GALNT9: variants seen among roughly 807,000 people sequenced by gnomAD.
GALNT9 encodes GalNAc transferase 9.
A neutral mutation model predicts 63.1 loss-of-function variants in GALNT9; 47 were observed. The observed-to-expected ratio is 0.75, with a 90% CI of 0.59 to 0.95. GALNT9 has a LOEUF of 0.95. Ranked by LOEUF, GALNT9 falls within the 40% of genes least tolerant of loss-of-function variation. The probability of loss-of-function intolerance (pLI) is 0.00; values close to 1 mark genes in which losing one functional copy is unlikely to be tolerated. For synonymous variants in GALNT9, 396 were observed against 365.7 expected, an observed-to-expected ratio of 1.08 and a Z score of -0.94; for missense variants, 829 against 874.8, an observed-to-expected ratio of 0.95 and a Z score of 0.66.
Position 132,198,108 on chromosome 12 carries a change from G to A in GALNT9, c.1498-149C>T, listed in dbSNP as rs113311457. On this transcript the variant is annotated intron_variant, in intron 9 of 10. Transcript: ENST00000328957. ...CCACCCCGGGGACGCTGTTGCGGGC[G>A]GGAGAGGACCGCCGGGCAGGGCCCA... 1,059 of 664,606 alleles carry A rather than the reference G, an allele frequency of 1.6e-3. 9 individuals are homozygous for A. The African/African-American group carries it at 0.017, about 11-fold the overall frequency. 41.2% of individuals were successfully genotyped at this position (664,606 alleles called of 1,614,324 possible).
At chr12:132,267,023 G>A (rs79474004) in intron 2 of GALNT9, among the ~76,000 whole-genome samples, 8,698 of 152,308 alleles carry the variant, frequency 0.057, 337 homozygotes, top group Middle Eastern at 0.13. Flanking sequence ...GGGGCAGCCC[G>A]AGGTGTGATC....
At chr12:132,230,903 G>T (rs1294408010) in intron 6 of GALNT9, among the ~76,000 whole-genome samples, 1 of 152,216 alleles carries the variant, frequency 6.6e-6, no homozygotes, top group East Asian at 1.9e-4. Flanking sequence ...GGGACGTCTT[G>T]GTGAGACTCT....
At chr12:132,240,416 C>A in intron 6 of GALNT9, 1 of 354,758 alleles carries the variant, frequency 2.8e-6, no homozygotes, top group East Asian at 7.5e-5. Context: ...CTTCCAGCCT[C>A]CACTTGTTCA....
chr12:132,203,331 A>G (rs1273124281), intron 7 of GALNT9, among the ~76,000 whole-genome samples, 174 bp downstream of exon 7: 1 of 151,848 alleles, frequency 6.6e-6, no homozygotes, highest in Non-Finnish European at 1.5e-5. Context: ...TCCCAGGCAG[A>G]CAGCTCACCC....
intron 1 of GALNT9, among the ~76,000 whole-genome samples, chr12:132,305,711 C>T (rs1053470524): frequency 1.3e-5 from 2 of 152,244 alleles, no homozygotes; most frequent in Non-Finnish European, 2.9e-5. Context: ...CTGGGCACAG[C>T]CTTGCCTGGG....
chr12:132,295,463 G>A (rs559919581), intron 1 of GALNT9, among the ~76,000 whole-genome samples: 6 of 152,152 alleles, frequency 3.9e-5, no homozygotes, highest in East Asian at 1.9e-4. Flanking sequence ...CTTCGCTGAC[G>A]TCATCAAGGT....
At position 132,286,131 on chromosome 12, in the gene GALNT9, G is replaced by T; in HGVS notation, c.419+119C>A. 8.5e-7 allele frequency: 1 copy of T among 1,178,998 alleles called. No homozygotes were observed. Among genetic ancestry groups the T allele is most frequent in the Non-Finnish European group, 1.1e-6 (1 of 884,548 alleles). 73.0% of individuals were successfully genotyped at this position (1,178,998 alleles called of 1,614,324 possible). On this transcript the variant is annotated intron_variant, in intron 2 of 10. Transcript: ENST00000328957. This position sits in a 1 kb window ranked among gnomAD's most constrained non-coding sequence, Gnocchi z 7.4. ...CGTGGGGGGCGGTCACTTCCCTGGC[G>T]GGCGTGGGGGCCGCTCACTTCCCCG...
Position 132,229,270 on chromosome 12 carries a change from C to T in GALNT9, c.1077+18640G>A, listed in dbSNP as rs925372023. 1.3e-3 allele frequency among the ~76,000 whole-genome samples: 201 copies of T among 152,336 alleles called. 1 individual carries two copies. Among genetic ancestry groups the T allele is most frequent in the African/African-American group, 4.4e-3 (185 of 41,594 alleles). On this transcript the variant is annotated intron_variant, in intron 6 of 10. Coordinates refer to ENST00000328957, the MANE Select transcript of GALNT9 (RefSeq NM_001122636.2). ...GCCTCTCCACCGCAGGTGGAGCCCA[C>T]GCCCCATCTCGCCCTGGGTCACCAG...
intron 9 of GALNT9, among the ~76,000 whole-genome samples, chr12:132,198,967 C>A (rs571163137): frequency 3.3e-5 from 5 of 152,172 alleles, no homozygotes; most frequent in Admixed American, 2.6e-4. Flanking sequence ...GTTTTCAATT[C>A]CCCGTGTTCT....
intron 2 of GALNT9, among the ~76,000 whole-genome samples, chr12:132,270,975 A>G (rs1879841193): frequency 6.6e-6 from 1 of 151,874 alleles, no homozygotes; most frequent in South Asian, 2.1e-4. Flanking sequence ...GGGAAGGAGG[A>G]GACAGGGGCA....
Position 132,259,684 on chromosome 12 carries a change from C to A in GALNT9, c.761+1264G>T, listed in dbSNP as rs1452127231. ...CCAAAACGCCAGGTTCCCCGGGGAC[C>A]CAGCAGGAGGCCCAAGGTCACATGC... On this transcript the variant is annotated intron_variant, in intron 4 of 10. Coordinates refer to ENST00000328957, the MANE Select transcript of GALNT9 (RefSeq NM_001122636.2). Among the ~76,000 whole-genome samples the A allele has an allele frequency of 3.9e-5, 6 of 152,128 alleles. No homozygotes were observed. In the East Asian group the frequency reaches 1.2e-3, roughly 29 times the overall value.
intron 6 of GALNT9, among the ~76,000 whole-genome samples, chr12:132,222,993 CACATACACCCCACACAACCCACACCCT>C (rs1877523694): frequency 2.1e-5 from 3 of 142,718 alleles, no homozygotes; most frequent in Admixed American, 6.9e-5. Flanking sequence ...ACCCACACCC[CACATACACCCCACACAACCCACACCCT>C]ACACAACCCG....
At chr12:132,224,547 ACCCACAC>A (rs1388713107) in intron 6 of GALNT9, among the ~76,000 whole-genome samples, 235 of 22,390 alleles carry the variant, frequency 0.01, 5 homozygotes, top group African/African-American at 0.041. Flanking sequence ...ACCCCACACA[ACCCACAC>A]CCCACACAAC....
chr12:132,196,906 T>A lies in GALNT9; in HGVS notation c.*201A>T. On this transcript the variant is annotated 3_prime_UTR_variant, in exon 11 of 11. Transcript: ENST00000328957. Reference sequence around the variant, plus strand: ...ACGCCCTCCCTCGGGTAGAGCCGCCTGTCCTAGGAGAAGCTGTACTCCAGA... The same window carrying A: ...ACGCCCTCCCTCGGGTAGAGCCGCCAGTCCTAGGAGAAGCTGTACTCCAGA... The A allele has an allele frequency of 1.4e-6, 2 of 1,399,354 alleles. No individual in the cohort carries two copies. The highest frequency in any genetic ancestry group is 1.9e-6 in the Non-Finnish European group (2 of 1,078,806). The allele number at this position is 1,399,354 out of a possible 1,614,324, so 86.7% of individuals were successfully genotyped here. A position where few individuals can be genotyped will look rare whatever the true frequency, so the allele number is the denominator to read the frequency against.
chr12:132,229,607 G>A (rs1166541394), intron 6 of GALNT9, among the ~76,000 whole-genome samples: 1 of 152,168 alleles, frequency 6.6e-6, no homozygotes, highest in Non-Finnish European at 1.5e-5. Flanking sequence ...ATGGGGCTGG[G>A]AGAGAGGCCG....
intron 7 of GALNT9, 31 bp downstream of exon 7, chr12:132,203,474 G>A: frequency 1.9e-6 from 3 of 1,608,800 alleles, no homozygotes; most frequent in East Asian, 2.2e-5. Context: ...CCTGGGGCAT[G>A]GCCCCGGCTC....
At position 132,304,819 on chromosome 12, in the gene GALNT9, G is replaced by A. The variant is rs374187553; in HGVS notation, c.239-18389C>T. On this transcript the variant is annotated intron_variant, in intron 1 of 10. Coordinates refer to ENST00000328957, the MANE Select transcript of GALNT9 (RefSeq NM_001122636.2). ...CACACCCTCACCTGGGCACACCCTC[G>A]CCCGGGCACACCCTCGCCCGGGCAC... Among the ~76,000 whole-genome samples the A allele has an allele frequency of 4.4e-3, 58 of 13,040 alleles. 4 individuals carry two copies. The South Asian group carries it at 0.045, about 10-fold the overall frequency. The allele number at this position is 13,040 out of a possible 152,430, so 8.6% of individuals were successfully genotyped here.
chr12:132,305,219 GCCCGGACACACCCTCA>G (rs1881543678), intron 1 of GALNT9, among the ~76,000 whole-genome samples: 1 of 28,344 alleles, frequency 3.5e-5, no homozygotes, highest in African/African-American at 2.0e-4. Flanking sequence ...GCACACCCTC[GCCCGGACACACCCTCA>G]CCCGGGCACA....
intron 6 of GALNT9, chr12:132,240,480 C>T: frequency 2.6e-6 from 1 of 389,722 alleles, no homozygotes; most frequent in South Asian, 1.9e-5. Context: ...ATAGCCGTGC[C>T]CAGCTCGGAC....
Sources: gnomAD v4.1 joint callset for allele counts (sites outside exome capture counted in the v4.1 genomes callset) on GRCh38, gnomAD v4.1.1 for gene constraint, Gnocchi (gnomAD v3.1) non-coding constraint, MANE v1.5 for transcripts, NCBI Gene and HGNC (gene_info 2026-07-23, HGNC 2026-07-21) for gene names.